COL14A1: variants seen among roughly 807,000 people sequenced by gnomAD.
COL14A1 encodes collagen alpha-1(XIV) chain.
Under a neutral mutation model 230.3 loss-of-function variants are expected in COL14A1, and 136 were observed. That is an observed-to-expected ratio of 0.59 (90% CI 0.51 to 0.68). The LOEUF is 0.68. Ranked by LOEUF, COL14A1 falls within the 30% of genes least tolerant of loss-of-function variation. COL14A1 has a pLI of 0.00. For missense variants in COL14A1, 1,976 were observed against 2,215.8 expected (o/e 0.89, Z 2.17); for synonymous variants, 792 against 784.1 (o/e 1.01, Z -0.17).
intron 5 of COL14A1, among the ~76,000 whole-genome samples, chr8:120,184,862 A>G (rs540147131): frequency 2.3e-4 from 35 of 152,318 alleles, no homozygotes; most frequent in African/African-American, 7.7e-4. Flanking sequence ...TTAGAGGCCC[A>G]TCCACATTAG....
intron 14 of COL14A1, among the ~76,000 whole-genome samples, chr8:120,220,936 A>T (rs1175745380): frequency 3.9e-5 from 6 of 152,188 alleles, no homozygotes; most frequent in Non-Finnish European, 8.8e-5. Flanking sequence ...GCTTCCCATG[A>T]GCCAGGCACT....
intron 34 of COL14A1, 91 bp downstream of exon 34, chr8:120,289,857 C>CA: frequency 7.6e-7 from 1 of 1,315,794 alleles, no homozygotes; most frequent in East Asian, 2.4e-5. Flanking sequence ...AAAGGTTTAA[C>CA]AAAAAGATGA....
intron 5 of COL14A1, among the ~76,000 whole-genome samples, chr8:120,178,004 A>G (rs1051690040): frequency 6.6e-6 from 1 of 152,164 alleles, no homozygotes; most frequent in African/African-American, 2.4e-5. Context: ...CCCATTTCTA[A>G]ATGATGGAGA....
intron 47 of COL14A1, 36 bp downstream of exon 47, chr8:120,369,521 A>G: frequency 6.6e-7 from 1 of 1,504,664 alleles, no homozygotes; most frequent in Non-Finnish European, 8.9e-7. Context: ...GTGGGCTTTG[A>G]TCAATGTTTT....
chr8:120,227,543 A>G (rs1818137706), intron 17 of COL14A1, among the ~76,000 whole-genome samples, 191 bp downstream of exon 17: 1 of 152,208 alleles, frequency 6.6e-6, no homozygotes, highest in South Asian at 2.1e-4. Context: ...CTAGATAATG[A>G]TCAACATGAA....
At chr8:120,243,271 A>G (rs1002532209) in intron 19 of COL14A1, among the ~76,000 whole-genome samples, 4 of 152,140 alleles carry the variant, frequency 2.6e-5, no homozygotes, top group Non-Finnish European at 5.9e-5. Context: ...ACACAGAGTG[A>G]TGGTGATTCT....
chr8:120,208,442 G>A (rs1315628126), intron 11 of COL14A1, 81 bp downstream of exon 11: 1 of 1,462,872 alleles, frequency 6.8e-7, no homozygotes, highest in South Asian at 1.3e-5. Context: ...TTCTGCTCAG[G>A]TCATGTTGAT....
chr8:120,146,806 T>C (rs912553395), intron 1 of COL14A1, among the ~76,000 whole-genome samples: 1 of 152,016 alleles, frequency 6.6e-6, no homozygotes, highest in African/African-American at 2.4e-5. Flanking sequence ...TACTGGGAAA[T>C]GAATAAACGA....
intron 33 of COL14A1, among the ~76,000 whole-genome samples, chr8:120,288,536 A>G (rs775383595): frequency 6.6e-6 from 1 of 152,176 alleles, no homozygotes; most frequent in Non-Finnish European, 1.5e-5. Flanking sequence ...ACTGCTAGCT[A>G]CTATAACTCC....
intron 22 of COL14A1, among the ~76,000 whole-genome samples, chr8:120,253,439 A>G (rs1307461571): frequency 1.3e-5 from 2 of 152,202 alleles, no homozygotes; most frequent in Admixed American, 6.5e-5. Context: ...CATTCCAAAC[A>G]TATTTTAAAA....
At chr8:120,170,700 A>T (rs1178817039) in intron 5 of COL14A1, among the ~76,000 whole-genome samples, 1 of 152,058 alleles carries the variant, frequency 6.6e-6, no homozygotes, top group Non-Finnish European at 1.5e-5. Context: ...AAAAATAAGA[A>T]TTATTGTATT....
chr8:120,173,304 T>C (rs952645652), intron 5 of COL14A1, among the ~76,000 whole-genome samples: 7 of 152,200 alleles, frequency 4.6e-5, no homozygotes, highest in Non-Finnish European at 7.3e-5. Flanking sequence ...CTGTCTCTTA[T>C]GTCTTTTAAA....
chr8:120,311,951 G>A (rs1821057498), intron 37 of COL14A1, among the ~76,000 whole-genome samples: 1 of 151,818 alleles, frequency 6.6e-6, no homozygotes, highest in East Asian at 1.9e-4. Flanking sequence ...TACAAAATTA[G>A]CTGGGTGTGG....
chr8:120,258,244 C>G (rs1479249788), intron 23 of COL14A1, among the ~76,000 whole-genome samples: 2 of 152,168 alleles, frequency 1.3e-5, no homozygotes, highest in Non-Finnish European at 2.9e-5. Context: ...TCTTCTATGC[C>G]TTCATTTTCA....
intron 5 of COL14A1, among the ~76,000 whole-genome samples, chr8:120,182,726 G>GTTTTT (rs756254098): frequency 5.4e-5 from 7 of 129,010 alleles, no homozygotes; most frequent in Non-Finnish European, 6.6e-5. Flanking sequence ...ATTTTTCTTC[G>GTTTTT]TTTTTTTTTT....
At chr8:120,306,581 G>A (rs1820865009) in intron 36 of COL14A1, among the ~76,000 whole-genome samples, 1 of 152,182 alleles carries the variant, frequency 6.6e-6, no homozygotes, top group South Asian at 2.1e-4. Flanking sequence ...TAAAGGATCT[G>A]TAGGAAGGCC....
chr8:120,197,597 T>A (rs1485174972), intron 6 of COL14A1, among the ~76,000 whole-genome samples: 1 of 152,114 alleles, frequency 6.6e-6, no homozygotes, highest in Non-Finnish European at 1.5e-5. Flanking sequence ...TATAAATGGC[T>A]AAAAAATATG....
intron 7 of COL14A1, among the ~76,000 whole-genome samples, chr8:120,198,768 T>C (rs1004821151): frequency 6.6e-6 from 1 of 152,214 alleles, no homozygotes; most frequent in African/African-American, 2.4e-5. Flanking sequence ...GATGAAGCAA[T>C]GTAGATGTTG....
In COL14A1 at chr8:120,193,930, C is replaced by T. The variant is rs527859777; in HGVS notation, c.437-2861C>T. ...GCGCAGTATTAGGGTGGGAGTGACC[C>T]GGTTTTCCAGGTGCCATCTGTCACC... On this transcript the variant is annotated intron_variant, in intron 5 of 47. Transcript: ENST00000297848. 7.9e-5 allele frequency among the ~76,000 whole-genome samples: 12 copies of T among 152,284 alleles called. No homozygotes were observed. The South Asian group carries it at 1.0e-3, about 13-fold the overall frequency.
Sources: gnomAD v4.1 joint callset for allele counts (sites outside exome capture counted in the v4.1 genomes callset) on GRCh38, gnomAD v4.1.1 for gene constraint, MANE v1.5 for transcripts, NCBI Gene and HGNC (gene_info 2026-07-23, HGNC 2026-07-21) for gene names.